MAP2K4: variants seen among roughly 807,000 people sequenced by gnomAD.
The protein encoded by MAP2K4 is mitogen-activated protein kinase kinase 4.
In MAP2K4, 4 loss-of-function variants were observed where a neutral mutation model predicts 48.5. That is an observed-to-expected ratio of 0.08 (90% CI 0.04 to 0.19). The LOEUF (loss-of-function observed/expected upper bound fraction) is 0.19, where lower values mean the gene tolerates loss of function less well. Ranked by LOEUF, MAP2K4 falls within the 10% of genes least tolerant of loss-of-function variation. MAP2K4 has a pLI of 1.00. For synonymous variants in MAP2K4, 166 were observed against 173.1 expected, an observed-to-expected ratio of 0.96 and a Z score of 0.32; for missense variants, 258 against 493.3, an observed-to-expected ratio of 0.52 and a Z score of 4.52.
chr17:12,054,431 G>T (rs550831328), intron 1 of MAP2K4, among the ~76,000 whole-genome samples: 1 of 151,952 alleles, frequency 6.6e-6, no homozygotes, highest in East Asian at 1.9e-4. Flanking sequence ...TTACTCTACC[G>T]TAATGTTTTT....
intron 4 of MAP2K4, among the ~76,000 whole-genome samples, chr17:12,105,646 C>A (rs945407310): frequency 1.3e-5 from 2 of 151,980 alleles, no homozygotes; most frequent in Non-Finnish European, 2.9e-5. Flanking sequence ...CTGTCACTAC[C>A]TTTTTCAGGC....
chr17:12,058,864 G>T (rs1450545352), intron 2 of MAP2K4, among the ~76,000 whole-genome samples: 2 of 152,222 alleles, frequency 1.3e-5, no homozygotes, highest in African/African-American at 4.8e-5. Context: ...AGTTTGAAGT[G>T]AGGTCTATAC....
chr17:12,048,077 A>G (rs1455607334), intron 1 of MAP2K4, among the ~76,000 whole-genome samples: 1 of 152,026 alleles, frequency 6.6e-6, no homozygotes, highest in Non-Finnish European at 1.5e-5. Context: ...TATGTTGCCC[A>G]GGCTGCTTTT....
intron 2 of MAP2K4, among the ~76,000 whole-genome samples, chr17:12,064,956 A>G (rs1398508610): frequency 2.0e-5 from 3 of 152,190 alleles, no homozygotes; most frequent in Non-Finnish European, 4.4e-5. Context: ...GCGAGACACA[A>G]AAGAGAACAT....
chr17:12,050,250 C>A (rs2151522661), intron 1 of MAP2K4, among the ~76,000 whole-genome samples: 1 of 152,250 alleles, frequency 6.6e-6, no homozygotes, highest in Middle Eastern at 3.4e-3. Context: ...ATAAGAAAAA[C>A]AATCTACTAA....
intron 2 of MAP2K4, among the ~76,000 whole-genome samples, chr17:12,065,519 T>G (rs1970587979): frequency 1.3e-5 from 2 of 151,702 alleles, no homozygotes; most frequent in Non-Finnish European, 2.9e-5. Flanking sequence ...AGGCTGGTCT[T>G]GAACTCTTGA....
chr17:12,095,549 TGACA>T, intron 3 of MAP2K4, 22 bp from the exon 4 acceptor site: 1 of 1,612,898 alleles, frequency 6.2e-7, no homozygotes, highest in Non-Finnish European at 8.5e-7. Context: ...TGTGTTTTTT[TGACA>T]TCTTTTGTCA....
intron 2 of MAP2K4, among the ~76,000 whole-genome samples, chr17:12,057,442 T>G (rs1044051602): frequency 2.8e-4 from 43 of 152,180 alleles, no homozygotes; most frequent in African/African-American, 9.7e-4. Flanking sequence ...TACCTATTTC[T>G]CTCTCTCACT....
chr17:12,103,802 A>G (rs1972020016), intron 4 of MAP2K4, among the ~76,000 whole-genome samples: 1 of 152,142 alleles, frequency 6.6e-6, no homozygotes, highest in Admixed American at 6.6e-5. Flanking sequence ...GTTTTATTCA[A>G]CATAGTTTTC....
intron 1 of MAP2K4, among the ~76,000 whole-genome samples, chr17:12,024,457 C>T (rs997148146): frequency 4.6e-5 from 7 of 152,084 alleles, no homozygotes; most frequent in Non-Finnish European, 8.8e-5. Flanking sequence ...CATTCTGACT[C>T]ATTTTTTTTT....
chr17:12,033,331 C>T (rs1376399093), intron 1 of MAP2K4, among the ~76,000 whole-genome samples: 1 of 143,120 alleles, frequency 7.0e-6, no homozygotes, highest in Non-Finnish European at 1.6e-5. Flanking sequence ...TACATTGATT[C>T]AAAGGCAAAA....
intron 4 of MAP2K4, among the ~76,000 whole-genome samples, chr17:12,106,715 T>G (rs1292165141): frequency 1.3e-5 from 2 of 152,178 alleles, no homozygotes; most frequent in African/African-American, 4.8e-5. Flanking sequence ...ATCATTTTGA[T>G]AGTATTTTCA....
chr17:12,059,307 C>T (rs1597422447), intron 2 of MAP2K4, among the ~76,000 whole-genome samples: 1 of 152,236 alleles, frequency 6.6e-6, no homozygotes, highest in Non-Finnish European at 1.5e-5. Flanking sequence ...TTTTGATACT[C>T]TAGGGATATT....
intron 7 of MAP2K4, among the ~76,000 whole-genome samples, chr17:12,120,874 CTGTT>C (rs1242707994): frequency 6.6e-6 from 1 of 152,180 alleles, no homozygotes; most frequent in Non-Finnish European, 1.5e-5. Flanking sequence ...AAGCTTGTAG[CTGTT>C]TGTTGTAGCT....
intron 4 of MAP2K4, among the ~76,000 whole-genome samples, chr17:12,102,481 T>A (rs1241404238): frequency 2.6e-5 from 4 of 152,156 alleles, no homozygotes. Flanking sequence ...GACATTGATG[T>A]ATAGTTTTCT....
At chr17:12,035,498 A>G (rs1361965828) in intron 1 of MAP2K4, among the ~76,000 whole-genome samples, 1 of 152,236 alleles carries the variant, frequency 6.6e-6, no homozygotes, top group African/African-American at 2.4e-5. Context: ...CCTGGTCAAC[A>G]AGAACAAAAC....
intron 1 of MAP2K4, among the ~76,000 whole-genome samples, chr17:12,037,028 GT>G (rs1487153138): frequency 6.6e-6 from 1 of 151,898 alleles, no homozygotes; most frequent in Non-Finnish European, 1.5e-5. Context: ...TAAAAACTTT[GT>G]GCTTTTAAAA....
chr17:12,069,461 A>T (rs1489304949), intron 2 of MAP2K4, among the ~76,000 whole-genome samples: 1 of 152,024 alleles, frequency 6.6e-6, no homozygotes, highest in Admixed American at 6.6e-5. Context: ...CTTTAATGTT[A>T]CTCTTTTCTG....
At chr17:12,139,466 A>G (rs1339266234) in intron 9 of MAP2K4, among the ~76,000 whole-genome samples, 1 of 152,220 alleles carries the variant, frequency 6.6e-6, no homozygotes, top group Non-Finnish European at 1.5e-5. Flanking sequence ...CTGCATAAAT[A>G]TCTGTCTACT....
Sources: allele counts gnomAD v4.1 joint callset (sites outside exome capture counted in the v4.1 genomes callset), GRCh38; gene constraint gnomAD v4.1.1; transcripts MANE v1.5; gene names NCBI Gene and HGNC (gene_info 2026-07-23, HGNC 2026-07-21).